The following MAN2C1 variants were observed in gnomAD, a reference collection of about 807,000 sequenced individuals.
The protein encoded by MAN2C1 is alpha-mannosidase 2C1.
In MAN2C1, 111 loss-of-function variants were observed where a neutral mutation model predicts 126.9. That is an observed-to-expected ratio of 0.87 (90% CI 0.75 to 1.02). MAN2C1 has a LOEUF of 1.02. Ranked by LOEUF, MAN2C1 falls within the 50% of genes least tolerant of loss-of-function variation. The pLI is 0.00. For missense variants in MAN2C1, 1,363 were observed against 1,364.4 expected (o/e 1.00, Z 0.02); for synonymous variants, 567 against 561.5 (o/e 1.01, Z -0.14).
Position 75,364,610 on chromosome 15 carries a change from T to A in MAN2C1, c.478A>T (p.Ser160Cys), listed in dbSNP as rs1272148964. ...CNGLLGAGKG[S>C]MIAAPDPEKM... ...TCAGGGTCAGGGGCTGCAATCATGC[T>A]TCCCTTCCCGGCCCCCAGGAGCCCA... The change falls in exon 5 of 26, where the codon AGC becomes TGC. Residue 160 changes from serine to cysteine, a missense_variant. Ser to Cys is a moderately radical substitution (Grantham distance 112, BLOSUM62 -1). Transcript: ENST00000267978. 4.3e-6 allele frequency: 7 copies of A among 1,613,504 alleles called. No individual in the cohort carries two copies. The East Asian group carries it at 8.9e-5, about 21-fold the overall frequency.
In MAN2C1 at chr15:75,359,379, G is replaced by A. The variant is rs749256404; in HGVS notation, c.1995C>T (p.Pro665=). 1.2e-6 allele frequency: 2 copies of A among 1,606,858 alleles called. No homozygotes were observed. The highest frequency in any genetic ancestry group is 1.1e-5 in the South Asian group (1 of 90,134). Reference sequence around the variant, plus strand: ...GGGGCAGCAGGGGCTGCAGTGAGGTGGGGGGAGGAACAGGAGCATAGCCCA... The same window carrying A: ...GGGGCAGCAGGGGCTGCAGTGAGGTAGGGGGAGGAACAGGAGCATAGCCCA... ...PSMGYAPVPP[P]TSLQPLLPQQ... The change falls in exon 17 of 26, where the codon CCC becomes CCT. Residue 665 remains proline (P), a synonymous_variant. Coordinates refer to ENST00000267978, the MANE Select transcript of MAN2C1 (RefSeq NM_006715.4).
At position 75,356,598 on chromosome 15, in the gene MAN2C1, G is replaced by T. The variant is rs370645935; in HGVS notation, c.2737+8C>A. On this transcript the variant is annotated splice_region_variant and intron_variant, in intron 23 of 25. Transcript: ENST00000267978. The surrounding 1 kb of genome is among the most constrained non-coding windows in gnomAD (Gnocchi z 5.8). ...CTGCAGGAAGGCCCCACCGTCCCCA[G>T]CACTCACCCTTGTGCGGCATCAGTG... is the stretch of plus-strand genomic sequence containing the variant. The T allele has an allele frequency of 2.1e-4, 326 of 1,556,892 alleles. 5 individuals are homozygous for T. The South Asian group carries it at 3.5e-3, about 17-fold the overall frequency.
At chr15:75,367,812 A>G in intron 2 of MAN2C1, 178 bp from the exon 3 acceptor site, 1 of 911,290 alleles carries the variant, frequency 1.1e-6, no homozygotes, top group South Asian at 1.7e-5. Flanking sequence ...GGAAACAGGC[A>G]GAGGCGTCAA....
intron 3 of MAN2C1, among the ~76,000 whole-genome samples, chr15:75,366,794 T>G (rs1288301665): frequency 6.6e-6 from 1 of 152,220 alleles, no homozygotes; most frequent in South Asian, 2.1e-4. Context: ...GACCGTCAAA[T>G]AGCCCCTGTT....
intron 18 of MAN2C1, 82 bp from the exon 19 acceptor site, chr15:75,358,890 G>A: frequency 2.2e-6 from 3 of 1,384,100 alleles, no homozygotes; most frequent in Non-Finnish European, 2.0e-6. Context: ...GGTGGAGTGA[G>A]TAGACCCAGT....
At chr15:75,368,016 C>T (rs2072614916) in intron 2 of MAN2C1, 57 bp downstream of exon 2, 1 of 1,540,822 alleles carries the variant, frequency 6.5e-7, no homozygotes, top group South Asian at 1.2e-5. Context: ...TGGCTGGGAG[C>T]TGGGTTGGGA....
Position 75,368,509 on chromosome 15 carries a change from G to GT in MAN2C1, c.74dup (p.Tyr25Ter), listed in dbSNP as rs763470542. The change falls in exon 1 of 26, where the codon TAC becomes TAAC. Residue 25 changes from tyrosine (Y) to a stop codon, truncating the protein, a stop_gained and frameshift_variant. Transcript: ENST00000267978. LOFTEE classifies it high-confidence loss of function. ...ERVEKFVSPL[Y>*]FTDCNLRGRL... ...TGCCGCGGAGGTTACAGTCGGTAAA[G>GT]TAGAGCGGCGACACGAACTTCTCCA... 2 of 1,555,586 alleles carry GT rather than the reference G, an allele frequency of 1.3e-6. No homozygotes were observed. The highest frequency in any genetic ancestry group is 2.4e-5 in the South Asian group (2 of 84,412).
intron 4 of MAN2C1, chr15:75,365,744 C>T (rs1001277401): frequency 3.1e-5 from 6 of 196,038 alleles, no homozygotes; most frequent in African/African-American, 1.4e-4. Flanking sequence ...TCCAAAAAAA[C>T]CCCCCCGAAA....
At chr15:75,357,407 G>A (rs1341995597) in intron 21 of MAN2C1, 1 of 155,898 alleles carries the variant, frequency 6.4e-6, no homozygotes, top group East Asian at 1.9e-4. Flanking sequence ...AAGGGTTCAA[G>A]CGATTCTCCT....
Position 75,356,064 on chromosome 15 carries a change from C to G in MAN2C1, c.2997-32G>C, listed in dbSNP as rs765429313. The G allele has an allele frequency of 6.2e-7, 1 of 1,613,380 alleles. No homozygotes were observed. The highest frequency in any genetic ancestry group is 8.5e-7 in the Non-Finnish European group (1 of 1,179,688). The stretch of plus-strand genomic sequence containing the variant: ...AACAGGAGGGGCCATGAAGGCTCTG[C>G]GAGGGCGAGACTCGACCCCCGCCCC... On this transcript the variant is annotated intron_variant, in intron 25 of 25. Coordinates refer to ENST00000267978, the MANE Select transcript of MAN2C1 (RefSeq NM_006715.4). This position sits in a 1 kb window ranked among gnomAD's most constrained non-coding sequence, Gnocchi z 5.8.
At position 75,356,925 on chromosome 15, in the gene MAN2C1, ACTTGGTGGCCCTGTGCCCCT is replaced by A. The variant is rs1567270902; in HGVS notation, c.2548-43_2548-24del. On this transcript the variant is annotated intron_variant, in intron 21 of 25. Coordinates refer to ENST00000267978, the MANE Select transcript of MAN2C1 (RefSeq NM_006715.4). This position sits in a 1 kb window ranked among gnomAD's most constrained non-coding sequence, Gnocchi z 5.8. Reference sequence around the variant, plus strand: ...CACCTGGAGGGCAGATCCAAGACCCACTTGGTGGCCCTGTGCCCCTCTTTGTGCTCCCAGACTCCAGAGCT... The same window carrying A: ...CACCTGGAGGGCAGATCCAAGACCCACTTTGTGCTCCCAGACTCCAGAGCT... 1 of 1,595,694 alleles carries A rather than the reference ACTTGGTGGCCCTGTGCCCCT, an allele frequency of 6.3e-7. No homozygotes were observed. Among genetic ancestry groups the A allele is most frequent in the East Asian group, 2.2e-5 (1 of 44,750 alleles).
Position 75,355,866 on chromosome 15 carries a change from C to T in MAN2C1, c.*40G>A, listed in dbSNP as rs200547980. 2.7e-4 allele frequency: 433 copies of T among 1,612,440 alleles called. No homozygotes were observed. Among genetic ancestry groups the T allele is most frequent in the Middle Eastern group, 2.0e-3 (12 of 6,008 alleles). ...GGCTGGGGAAGCAGAAATTAGGAGT[C>T]CCCAGAGCCTTCTACAAACAAAACC... On this transcript the variant is annotated 3_prime_UTR_variant, in exon 26 of 26. Coordinates refer to ENST00000267978, the MANE Select transcript of MAN2C1 (RefSeq NM_006715.4).
chr15:75,358,861 G>A, intron 18 of MAN2C1, 53 bp from the exon 19 acceptor site: 3 of 1,487,464 alleles, frequency 2.0e-6, no homozygotes, highest in Non-Finnish European at 1.9e-6. Flanking sequence ...GCTGTCTCCA[G>A]CTGCTCTTGG....
rs755584715 is a variant in MAN2C1 at position 75,358,768 on chromosome 15, G to C, written c.2182C>G (p.Leu728Val). ...AEGAVGNQFV[L>V]FDDVPLYWDA... ...CAGTACAAGGGGACATCATCAAATA[G>C]CACAAACTGGTTCCCCACGGCGCCC... The change falls in exon 19 of 26, where the codon CTA (leucine) becomes GTA (valine). Residue 728 changes from leucine to valine, a missense_variant. By Grantham distance (32) the Leu-to-Val change is conservative. Coordinates refer to ENST00000267978, the MANE Select transcript of MAN2C1 (RefSeq NM_006715.4). The C allele has an allele frequency of 1.2e-6, 2 of 1,613,714 alleles. No homozygotes were observed. The highest frequency in any genetic ancestry group is 2.7e-5 in the African/African-American group (2 of 74,848).
rs1032462750 is a variant in MAN2C1, at chr15:75,361,658, G to A, written c.1164C>T (p.Gly388=). The A allele has an allele frequency of 6.2e-7, 1 of 1,614,032 alleles. No individual in the cohort carries two copies. ...ATTTCTGGGTGAGAAAGCGCCTGAT[G>A]CCACAGCCGTGCATGATCTGGGGGA... The part of the protein sequence containing the change: ...AQLPQIMHGC[G]IRRFLTQKLS... Residue 388 remains glycine, a synonymous_variant, in exon 10 of 26, where the codon GGC becomes GGT. Transcript: ENST00000267978. The surrounding 1 kb of genome is among the most constrained non-coding windows in gnomAD (Gnocchi z 5.0).
chr15:75,367,825 G>T (rs955077264), intron 2 of MAN2C1, 191 bp from the exon 3 acceptor site: 14 of 882,468 alleles, frequency 1.6e-5, no homozygotes, highest in Non-Finnish European at 2.4e-5. Context: ...GGCGTCAAAG[G>T]TTCGTGATCC....
At chr15:75,364,419 G>T in intron 5 of MAN2C1, 69 bp downstream of exon 5, 1 of 1,452,222 alleles carries the variant, frequency 6.9e-7, no homozygotes, top group South Asian at 1.4e-5. Flanking sequence ...CCATTTATCT[G>T]ACCCAAAGAA....
chr15:75,358,826 TG>T lies in MAN2C1; in HGVS notation c.2142-19del. 1 of 1,598,608 alleles carries T rather than the reference TG, an allele frequency of 6.3e-7. No homozygotes were observed. Among genetic ancestry groups the T allele is most frequent in the Non-Finnish European group, 8.6e-7 (1 of 1,167,278 alleles). On this transcript the variant is annotated intron_variant, in intron 18 of 25. Transcript: ENST00000267978. Reference sequence around the variant, plus strand: ...TGGCCTCCCTGGAAGGACATGGGATTGGTGCTGTACAACCAACTGACCTCGC... The same window carrying T: ...TGGCCTCCCTGGAAGGACATGGGATTGTGCTGTACAACCAACTGACCTCGC...
At chr15:75,358,843 C>T (rs370288534) in intron 18 of MAN2C1, 35 bp from the exon 19 acceptor site, 2 of 1,544,788 alleles carry the variant, frequency 1.3e-6, no homozygotes, top group African/African-American at 1.4e-5. Context: ...GTACAACCAA[C>T]TGACCTCGCT....
Sources: gnomAD v4.1 joint callset for allele counts (sites outside exome capture counted in the v4.1 genomes callset) on GRCh38, gnomAD v4.1.1 for gene constraint, Gnocchi (gnomAD v3.1) non-coding constraint, MANE v1.5 for transcripts, NCBI Gene and HGNC (gene_info 2026-07-23, HGNC 2026-07-21) for gene names.